The following TMEM117 variants were observed in gnomAD, a reference collection of about 807,000 sequenced individuals.
TMEM117 encodes transmembrane protein 117.
In TMEM117, 27 loss-of-function variants were observed where a neutral mutation model predicts 52.4. The ratio of observed to expected loss-of-function variants is 0.51; its 90% CI spans 0.38 to 0.71. TMEM117 has a LOEUF of 0.71. TMEM117 is among the 30% of genes least tolerant of loss of function. The probability of loss-of-function intolerance (pLI) is 0.00; values close to 1 mark genes in which losing one functional copy is unlikely to be tolerated. For missense variants in TMEM117, 556 were observed against 630.5 expected (o/e 0.88, Z 1.26); for synonymous variants, 215 against 206.3 (o/e 1.04, Z -0.36).
intron 3 of TMEM117, among the ~76,000 whole-genome samples, chr12:44,071,141 T>A (rs1947295660): frequency 6.6e-6 from 1 of 152,240 alleles, no homozygotes; most frequent in African/African-American, 2.4e-5. Context: ...GTTTTTTAAC[T>A]AACCCTGTAG....
chr12:43,806,089 G>A, the TMEM117 span: 18 of 1,519,156 alleles, frequency 1.2e-5, no homozygotes, highest in African/African-American at 2.5e-4. Context: ...AGGCGCCGAG[G>A]CCCGGCTCGC....
chr12:43,797,228 A>T, the TMEM117 span: 3 of 1,492,884 alleles, frequency 2.0e-6, no homozygotes, highest in Non-Finnish European at 2.7e-6. Flanking sequence ...TGGGCAAGAA[A>T]TAAGTAAGAA....
At chr12:44,189,445 G>T (rs1358397560) in intron 4 of TMEM117, among the ~76,000 whole-genome samples, 1 of 152,126 alleles carries the variant, frequency 6.6e-6, no homozygotes, top group African/African-American at 2.4e-5. Context: ...TGTTAGATTT[G>T]CTTCTATACA....
At chr12:43,894,004 C>T (rs2137485310) in intron 2 of TMEM117, among the ~76,000 whole-genome samples, 1 of 152,304 alleles carries the variant, frequency 6.6e-6, no homozygotes, top group East Asian at 1.9e-4. Flanking sequence ...CTTCTTAAAG[C>T]CATCAGGAGA....
chr12:44,361,188 T>C (rs1270705571), intron 6 of TMEM117, among the ~76,000 whole-genome samples: 2 of 152,140 alleles, frequency 1.3e-5, no homozygotes, highest in African/African-American at 4.8e-5. Context: ...AACTAAAAAC[T>C]CCACGCTATA....
At chr12:44,010,199 C>T (rs776492918) in intron 3 of TMEM117, 1 of 507,036 alleles carries the variant, frequency 2.0e-6, no homozygotes, top group Non-Finnish European at 3.9e-6. Context: ...CCTGGGGCCA[C>T]CTCTGACAAA....
intron 2 of TMEM117, among the ~76,000 whole-genome samples, chr12:43,889,977 T>TAGTCCTTCAG (rs1944073318): frequency 6.6e-6 from 1 of 152,150 alleles, no homozygotes; most frequent in Non-Finnish European, 1.5e-5. Context: ...GAAACTAGAA[T>TAGTCCTTCAG]AGTCCTTCAG....
chr12:43,941,859 T>C (rs1239054381), intron 2 of TMEM117, among the ~76,000 whole-genome samples: 2 of 152,224 alleles, frequency 1.3e-5, no homozygotes, highest in Non-Finnish European at 2.9e-5. Flanking sequence ...CTCTTTTTGC[T>C]AACTTTGTAT....
intron 6 of TMEM117, among the ~76,000 whole-genome samples, chr12:44,325,847 A>G (rs1281282280): frequency 1.3e-5 from 2 of 152,176 alleles, no homozygotes; most frequent in East Asian, 3.8e-4. Flanking sequence ...AAAACATATA[A>G]AAAAGGTCAG....
chr12:43,905,294 C>G (rs183365267), intron 2 of TMEM117, among the ~76,000 whole-genome samples: 38 of 152,286 alleles, frequency 2.5e-4, no homozygotes, highest in African/African-American at 7.7e-4. Context: ...AGTACTTAAT[C>G]TAGAATACTT....
At chr12:44,286,045 C>T (rs1198610698) in intron 5 of TMEM117, among the ~76,000 whole-genome samples, 1 of 152,048 alleles carries the variant, frequency 6.6e-6, no homozygotes, top group East Asian at 1.9e-4. Context: ...AGTTTGCTAT[C>T]CCACTTCACT....
At chr12:44,103,839 T>A (rs1052161498) in intron 3 of TMEM117, among the ~76,000 whole-genome samples, 1 of 152,104 alleles carries the variant, frequency 6.6e-6, no homozygotes, top group Non-Finnish European at 1.5e-5. Flanking sequence ...TTTTATCTAG[T>A]CTTCACTAGA....
intron 1 of TMEM117, among the ~76,000 whole-genome samples, chr12:43,836,648 G>GA (rs1010921565): frequency 2.0e-5 from 3 of 152,140 alleles, no homozygotes; most frequent in African/African-American, 7.2e-5. Context: ...TTGTTCTTGG[G>GA]AAAAAAACAA....
At chr12:44,114,692 G>A (rs536486515) in intron 3 of TMEM117, among the ~76,000 whole-genome samples, 2 of 152,302 alleles carry the variant, frequency 1.3e-5, no homozygotes, top group Non-Finnish European at 2.9e-5. Context: ...ACTTCTGAGA[G>A]AAAAGAATCT....
chr12:44,191,060 C>T (rs765170531), intron 4 of TMEM117, among the ~76,000 whole-genome samples: 3 of 151,660 alleles, frequency 2.0e-5, no homozygotes, highest in Non-Finnish European at 2.9e-5. Context: ...CACAACTCAG[C>T]GTGACTAGGG....
At chr12:43,950,548 CA>C (rs59755502) in intron 3 of TMEM117, among the ~76,000 whole-genome samples, 46,402 of 150,156 alleles carry the variant, frequency 0.31, 10,628 homozygotes, top group African/African-American at 0.65. Flanking sequence ...TTTTTTTTCT[CA>C]AAAAAAAAAA....
chr12:44,093,220 C>T (rs1354939347), intron 3 of TMEM117, among the ~76,000 whole-genome samples: 3 of 151,976 alleles, frequency 2.0e-5, no homozygotes, highest in African/African-American at 7.3e-5. Flanking sequence ...GAAAGAATAA[C>T]ATGCCAGAAT....
chr12:43,827,108 G>T, the TMEM117 span, among the ~76,000 whole-genome samples: 6,139 of 151,518 alleles, frequency 0.041, 142 homozygotes, highest in African/African-American at 0.051. Flanking sequence ...ATGTAAAATA[G>T]ACTTAAGTAG....
intron 3 of TMEM117, among the ~76,000 whole-genome samples, chr12:44,102,675 T>G (rs1478864411): frequency 6.6e-6 from 1 of 151,988 alleles, no homozygotes; most frequent in Non-Finnish European, 1.5e-5. Flanking sequence ...CTATTCTACC[T>G]ATTTTTTTGG....
Sources: allele counts gnomAD v4.1 joint callset (sites outside exome capture counted in the v4.1 genomes callset), GRCh38; gene constraint gnomAD v4.1.1; transcripts MANE v1.5; gene names NCBI Gene and HGNC (gene_info 2026-07-23, HGNC 2026-07-21).